CCDC7: variants seen among roughly 807,000 people sequenced by gnomAD.
CCDC7 encodes coiled-coil domain-containing protein 7.
A neutral mutation model predicts 196.9 loss-of-function variants in CCDC7; 183 were observed. The observed-to-expected ratio is 0.93, with a 90% CI of 0.82 to 1.05. CCDC7 has a LOEUF of 1.05. CCDC7 is among the 50% of genes least tolerant of loss of function. The probability of loss-of-function intolerance (pLI) is 0.00; values close to 1 mark genes in which losing one functional copy is unlikely to be tolerated. For synonymous variants in CCDC7, 525 were observed against 484.6 expected (o/e 1.08, Z -1.10); for missense variants, 1,540 against 1,482.2 (o/e 1.04, Z -0.64).
At chr10:32,543,205 G>C in intron 11 of CCDC7, 95 bp from the exon 13 acceptor site, 1 of 1,127,282 alleles carries the variant, frequency 8.9e-7, no homozygotes, top group South Asian at 3.0e-5. Flanking sequence ...GTGACTCTCA[G>C]AGTAAAATGT....
chr10:32,502,970 A>T (rs1281801514), intron 9 of CCDC7, among the ~76,000 whole-genome samples: 1 of 152,130 alleles, frequency 6.6e-6, no homozygotes, highest in Non-Finnish European at 1.5e-5. Context: ...TTGTTAATTT[A>T]TAGAAACACA....
At chr10:32,773,887 G>A (rs931407293) in intron 28 of CCDC7, among the ~76,000 whole-genome samples, 7 of 152,224 alleles carry the variant, frequency 4.6e-5, no homozygotes, top group Admixed American at 1.3e-4. Context: ...GTGAGAACTG[G>A]AAATTAAATG....
rs2075870930 is a variant in CCDC7, at chr10:32,681,724, T to C, written c.2123-4246T>C. Among the ~76,000 whole-genome samples, 3 of 137,426 alleles carry C rather than the reference T, an allele frequency of 2.2e-5. No homozygotes were observed. The Admixed American group carries it at 2.4e-4, about 11-fold the overall frequency. The allele number at this position is 137,426 out of a possible 152,430, so 90.2% of individuals were successfully genotyped here. On this transcript the variant is annotated intron_variant, in intron 21 of 41. Coordinates refer to ENST00000639629, the Ensembl canonical transcript of CCDC7. ...GTTGGCCTGAAGTTGGATTCTTCAGTGTATTTATATGTATACACACACACA... is the reference window on the plus strand; with the variant it reads ...GTTGGCCTGAAGTTGGATTCTTCAGCGTATTTATATGTATACACACACACA...
chr10:32,598,120 A>G (rs1434768225), intron 18 of CCDC7, among the ~76,000 whole-genome samples: 1 of 152,176 alleles, frequency 6.6e-6, no homozygotes, highest in African/African-American at 2.4e-5. Context: ...CTACAGAGGC[A>G]GGCAGACCTC....
At chr10:32,831,139 A>AT (rs2135888753) in intron 32 of CCDC7, among the ~76,000 whole-genome samples, 1 of 152,326 alleles carries the variant, frequency 6.6e-6, no homozygotes, top group Non-Finnish European at 1.5e-5. Flanking sequence ...CTTGTACAGC[A>AT]TGTTACTGGA....
At chr10:32,676,978 A>G (rs1162302077) in intron 21 of CCDC7, among the ~76,000 whole-genome samples, 1 of 151,990 alleles carries the variant, frequency 6.6e-6, no homozygotes, top group East Asian at 1.9e-4. Context: ...CCAAATGTCC[A>G]ACAACGATAG....
chr10:32,561,257 C>T (rs548995388), intron 13 of CCDC7, among the ~76,000 whole-genome samples: 183 of 152,116 alleles, frequency 1.2e-3, no homozygotes, highest in African/African-American at 4.0e-3. Context: ...GACAGATCAA[C>T]GAGACAAGCC....
intron 7 of CCDC7, 78 bp downstream of exon 8, chr10:32,472,620 G>A: frequency 1.5e-6 from 2 of 1,296,644 alleles, no homozygotes; most frequent in Non-Finnish European, 2.1e-6. Context: ...TTAAAGAGAG[G>A]GTCTCACTCT....
chr10:32,691,147 A>T (rs1245287308), intron 23 of CCDC7, among the ~76,000 whole-genome samples: 2 of 152,042 alleles, frequency 1.3e-5, no homozygotes, highest in African/African-American at 4.8e-5. Flanking sequence ...AATTTTCTTT[A>T]TTTTCGAGAG....
chr10:32,452,077 T>C (rs751716188), intron 1 of CCDC7, among the ~76,000 whole-genome samples, 156 bp downstream of exon 2: 2 of 152,184 alleles, frequency 1.3e-5, no homozygotes, highest in Non-Finnish European at 2.9e-5. Context: ...GAAAACCAGA[T>C]CTAAGCTTGC....
intron 14 of CCDC7, 127 bp from the exon 16 acceptor site, chr10:32,567,543 C>T (rs2057005470): frequency 9.1e-7 from 1 of 1,097,538 alleles, no homozygotes; most frequent in Non-Finnish European, 1.3e-6. Flanking sequence ...ACCTTTGCTC[C>T]CTTCAACTCA....
At chr10:32,735,112 A>G (rs2084645484) in intron 28 of CCDC7, among the ~76,000 whole-genome samples, 1 of 152,168 alleles carries the variant, frequency 6.6e-6, no homozygotes. Flanking sequence ...CCTAAACCAC[A>G]AAAAGAGTCC....
intron 28 of CCDC7, among the ~76,000 whole-genome samples, chr10:32,748,660 T>C (rs1470763311): frequency 6.6e-6 from 1 of 152,222 alleles, no homozygotes; most frequent in African/African-American, 2.4e-5. Flanking sequence ...GGTGATCCTG[T>C]GTCCCTGGAC....
At chr10:32,859,740 G>A (rs890328195) in intron 41 of CCDC7, among the ~76,000 whole-genome samples, 11 of 152,012 alleles carry the variant, frequency 7.2e-5, no homozygotes, top group South Asian at 2.1e-4. Flanking sequence ...TATCACCACC[G>A]ATCCCACAGA....
intron 20 of CCDC7, among the ~76,000 whole-genome samples, chr10:32,652,499 G>A (rs946253991): frequency 6.6e-6 from 1 of 151,774 alleles, no homozygotes; most frequent in African/African-American, 2.4e-5. Context: ...CTTACTTTCT[G>A]TCTTCTTTTG....
chr10:32,687,369 T>C (rs143380403), intron 22 of CCDC7, among the ~76,000 whole-genome samples: 108 of 152,324 alleles, frequency 7.1e-4, no homozygotes, highest in African/African-American at 2.5e-3. Context: ...AAAATGACCT[T>C]AACCACAGTA....
At chr10:32,547,314 A>G (rs1039678149) in intron 13 of CCDC7, among the ~76,000 whole-genome samples, 1 of 152,194 alleles carries the variant, frequency 6.6e-6, no homozygotes, top group Non-Finnish European at 1.5e-5. Flanking sequence ...GGCATAAGCC[A>G]CCATGCCTGG....
chr10:32,695,995 C>CT (rs61401274), intron 24 of CCDC7, among the ~76,000 whole-genome samples: 1 of 148,740 alleles, frequency 6.7e-6, no homozygotes, highest in African/African-American at 2.5e-5. Context: ...GCAATGAAGA[C>CT]TTTTTTTTTT....
At chr10:32,691,116 G>A (rs528182162) in intron 23 of CCDC7, among the ~76,000 whole-genome samples, 16 of 152,238 alleles carry the variant, frequency 1.1e-4, no homozygotes, top group South Asian at 4.2e-4. Context: ...CTGGTAACAT[G>A]GGGATCTTGG....
Sources: gnomAD v4.1 joint callset for allele counts (sites outside exome capture counted in the v4.1 genomes callset) on GRCh38, gnomAD v4.1.1 for gene constraint, MANE v1.5 for transcripts, NCBI Gene and HGNC (gene_info 2026-07-23, HGNC 2026-07-21) for gene names.